The following LYPLAL1 variants were observed in gnomAD, a reference collection of about 807,000 sequenced individuals.
LYPLAL1 encodes the protein lysophospholipase like 1.
In LYPLAL1, 23 loss-of-function variants were observed where a neutral mutation model predicts 19.7. The ratio of observed to expected loss-of-function variants is 1.17; its 90% CI spans 0.84 to 1.65. LYPLAL1 has a LOEUF of 1.65. Ranked by LOEUF, LYPLAL1 falls within the 40% of genes most tolerant of loss-of-function variation. The pLI is 0.00. For missense variants in LYPLAL1, 355 were observed against 279.4 expected (o/e 1.27, Z -1.93); for synonymous variants, 119 against 96.3 (o/e 1.24, Z -1.38).
chr1:219,213,331 T>C (rs1352156112), downstream of LYPLAL1, among the ~76,000 whole-genome samples: 1 of 151,990 alleles, frequency 6.6e-6, no homozygotes, highest in South Asian at 2.1e-4. Context: ...TATAACTGTA[T>C]AAGTCTTGAA....
chr1:219,349,576 T>A, the LYPLAL1 span, among the ~76,000 whole-genome samples: 9 of 152,028 alleles, frequency 5.9e-5, no homozygotes. Flanking sequence ...CCTGTGTGCA[T>A]GTGTACCTAT....
the LYPLAL1 span, among the ~76,000 whole-genome samples, chr1:219,221,597 A>C: frequency 6.6e-6 from 1 of 152,164 alleles, no homozygotes; most frequent in Non-Finnish European, 1.5e-5. Context: ...CTGCTTTTCA[A>C]AAGAGGCCTA....
the LYPLAL1 span, among the ~76,000 whole-genome samples, chr1:219,353,527 A>T: frequency 2.6e-5 from 4 of 152,348 alleles, no homozygotes; most frequent in Middle Eastern, 0.014. Flanking sequence ...AAGGCATTTG[A>T]TAGGAGGACA....
At chr1:219,222,528 A>T in the LYPLAL1 span, 1 of 152,118 alleles carries the variant, frequency 6.6e-6, no homozygotes, top group Non-Finnish European at 1.5e-5. Flanking sequence ...AAATGGATCA[A>T]AGTTCGGCAT....
chr1:219,361,103 A>G, the LYPLAL1 span, among the ~76,000 whole-genome samples: 1 of 152,218 alleles, frequency 6.6e-6, no homozygotes, highest in African/African-American at 2.4e-5. Flanking sequence ...GTGTGTTTGC[A>G]TGTGCACACA....
At chr1:219,364,758 T>C in the LYPLAL1 span, among the ~76,000 whole-genome samples, 4 of 152,166 alleles carry the variant, frequency 2.6e-5, no homozygotes, top group African/African-American at 9.7e-5. Flanking sequence ...ATAAGTGAAT[T>C]TGTATTGGAA....
chr1:219,418,586 T>G, the LYPLAL1 span, among the ~76,000 whole-genome samples: 2 of 152,212 alleles, frequency 1.3e-5, no homozygotes, highest in Non-Finnish European at 2.9e-5. Context: ...CCTCCCCAGC[T>G]ATCAACCTCC....
At chr1:219,325,276 C>T in the LYPLAL1 span, among the ~76,000 whole-genome samples, 1 of 152,196 alleles carries the variant, frequency 6.6e-6, no homozygotes, top group African/African-American at 2.4e-5. Context: ...AACACTTGTA[C>T]TACAAGATTT....
the LYPLAL1 span, among the ~76,000 whole-genome samples, chr1:219,366,673 G>A: frequency 6.6e-6 from 1 of 152,168 alleles, no homozygotes; most frequent in African/African-American, 2.4e-5. Context: ...GCCAAATCAA[G>A]TTACATGGCC....
the LYPLAL1 span, among the ~76,000 whole-genome samples, chr1:219,312,238 T>C: frequency 6.6e-6 from 1 of 151,974 alleles, no homozygotes; most frequent in Non-Finnish European, 1.5e-5. Context: ...TGCAGAGAGG[T>C]GGGAGAGGGT....
the LYPLAL1 span, among the ~76,000 whole-genome samples, chr1:219,389,258 GC>G: frequency 2.6e-5 from 4 of 152,222 alleles, no homozygotes; most frequent in East Asian, 7.7e-4. Flanking sequence ...ATATAAAGTG[GC>G]TTATTTGATA....
At chr1:219,177,146 G>A (rs534365188) in intron 1 of LYPLAL1, among the ~76,000 whole-genome samples, 4 of 152,296 alleles carry the variant, frequency 2.6e-5, no homozygotes, top group South Asian at 2.1e-4. Context: ...AAGCCAAGTC[G>A]GAGGCTCCAG....
chr1:219,207,371 T>C (rs568566031), intron 3 of LYPLAL1, among the ~76,000 whole-genome samples: 1 of 152,160 alleles, frequency 6.6e-6, no homozygotes, highest in Admixed American at 6.5e-5. Flanking sequence ...GGGTCTGGGA[T>C]TGGGTCTAAA....
the LYPLAL1 span, among the ~76,000 whole-genome samples, chr1:219,289,112 T>C: frequency 7.3e-5 from 11 of 151,480 alleles, no homozygotes; most frequent in South Asian, 1.7e-3. Flanking sequence ...GGAAATTTCT[T>C]TGGAGGCACA....
chr1:219,412,484 T>C, the LYPLAL1 span, among the ~76,000 whole-genome samples: 6 of 152,230 alleles, frequency 3.9e-5, no homozygotes, highest in African/African-American at 1.4e-4. Context: ...CCTCACAGTT[T>C]ATAATCAAGA....
At chr1:219,297,276 T>A in the LYPLAL1 span, among the ~76,000 whole-genome samples, 1 of 152,242 alleles carries the variant, frequency 6.6e-6, no homozygotes, top group Non-Finnish European at 1.5e-5. Flanking sequence ...GTACAAACTG[T>A]ATTTATGATG....
chr1:219,383,659 T>A, the LYPLAL1 span, among the ~76,000 whole-genome samples: 1 of 152,148 alleles, frequency 6.6e-6, no homozygotes, highest in African/African-American at 2.4e-5. Flanking sequence ...ATGCATAATA[T>A]TTAATAAAAA....
At chr1:219,338,875 T>G in the LYPLAL1 span, among the ~76,000 whole-genome samples, 2 of 151,572 alleles carry the variant, frequency 1.3e-5, no homozygotes, top group African/African-American at 2.4e-5. Context: ...TTTAATAATA[T>G]AATATATTAC....
At chr1:219,341,894 A>T in the LYPLAL1 span, among the ~76,000 whole-genome samples, 3 of 152,178 alleles carry the variant, frequency 2.0e-5, no homozygotes, top group Non-Finnish European at 2.9e-5. Flanking sequence ...GGAGCATTTG[A>T]TATCTTTCTA....
Sources: gnomAD v4.1 joint callset for allele counts (sites outside exome capture counted in the v4.1 genomes callset) on GRCh38, gnomAD v4.1.1 for gene constraint, MANE v1.5 for transcripts, NCBI Gene and HGNC (gene_info 2026-07-23, HGNC 2026-07-21) for gene names.